Variants in SDR42E2 observed in about 807,000 individuals in gnomAD.
SDR42E2 encodes the protein short chain dehydrogenase/reductase family 42E, member 2.
A neutral mutation model predicts 10.5 loss-of-function variants in SDR42E2; 20 were observed. That is an observed-to-expected ratio of 1.90 (90% CI 1.34 to 2.77). The LOEUF is 2.77. Among genes scored for constraint, SDR42E2 ranks in the 30% most tolerant of loss-of-function variants. The pLI, the probability that SDR42E2 is intolerant of heterozygous loss-of-function variation, is 0.00. For missense variants in SDR42E2, 162 were observed against 104.2 expected (o/e 1.55, Z -2.42); for synonymous variants, 72 against 39.2 (o/e 1.84, Z -3.12).
At chr16:22,172,144 G>C (rs1254630086) in intron 6 of SDR42E2, 112 bp from the exon 7 acceptor site, 1 of 675,454 alleles carries the variant, frequency 1.5e-6, no homozygotes, top group Non-Finnish European at 2.7e-6. Flanking sequence ...TCAGGGCCTG[G>C]CCATATCCCA....
rs1213230376 is a variant in SDR42E2 at position 22,166,927 on chromosome 16, C to T, written c.264C>T (p.Ala88=). Residue 88 remains alanine, a synonymous_variant, in exon 4 of 13, where the codon GCC becomes GCT. Transcript: ENST00000602312. ...FIQADVRDEE[A]LYRAFEGVDC... ...AGGCTGATGTCCGAGATGAAGAAGC[C>T]CTGTACCGTGCCTTCGAAGGGGTGG... 2.6e-5 allele frequency: 18 copies of T among 699,618 alleles called. No homozygotes were observed. In the Admixed American group the frequency reaches 3.0e-4, roughly 12 times the overall value. 43.3% of individuals were successfully genotyped at this position (699,618 alleles called of 1,614,324 possible). A position where few individuals can be genotyped will look rare whatever the true frequency, so the allele number is the denominator to read the frequency against.
At chr16:22,183,265 G>A (rs564369194) in intron 10 of SDR42E2, among the ~76,000 whole-genome samples, 2 of 152,198 alleles carry the variant, frequency 1.3e-5, no homozygotes, top group South Asian at 4.1e-4. Flanking sequence ...GAGATTACAG[G>A]TGCACACCAC....
intron 6 of SDR42E2, 95 bp from the exon 7 acceptor site, chr16:22,172,161 G>A (rs1248483016): frequency 1.7e-5 from 12 of 688,566 alleles, no homozygotes; most frequent in Admixed American, 8.2e-5. Flanking sequence ...CCCAGTGGGA[G>A]TCCCCAGGGA....
chr16:22,188,761 G>C (rs1049166447), intron 12 of SDR42E2, among the ~76,000 whole-genome samples: 5 of 152,044 alleles, frequency 3.3e-5, no homozygotes, highest in African/African-American at 1.2e-4. Context: ...TGTGGCTCGG[G>C]TACCCTCTGC....
At chr16:22,162,648 C>T (rs2046507511) in intron 1 of SDR42E2, among the ~76,000 whole-genome samples, 84 bp downstream of exon 1, 1 of 152,146 alleles carries the variant, frequency 6.6e-6, no homozygotes, top group Admixed American at 6.5e-5. Context: ...GGGGAGGGGA[C>T]CCCCACCCTG....
chr16:22,168,129 T>A (rs1462596859), intron 4 of SDR42E2, among the ~76,000 whole-genome samples: 1 of 152,008 alleles, frequency 6.6e-6, no homozygotes, highest in Non-Finnish European at 1.5e-5. Flanking sequence ...GTGTGGTGGC[T>A]CACACCTGTA....
intron 10 of SDR42E2, among the ~76,000 whole-genome samples, chr16:22,182,779 C>T (rs1349093607): frequency 1.3e-5 from 2 of 152,152 alleles, no homozygotes; most frequent in Admixed American, 6.5e-5. Flanking sequence ...ACGGGAGGAT[C>T]GCTTGAGGCC....
chr16:22,180,867 C>G (rs1456620559), intron 8 of SDR42E2, among the ~76,000 whole-genome samples: 3 of 152,144 alleles, frequency 2.0e-5, no homozygotes, highest in Non-Finnish European at 1.5e-5. Context: ...ATTAGCTGAG[C>G]ATGGTGGTTT....
At chr16:22,171,200 A>G (rs1454164590) in intron 6 of SDR42E2, among the ~76,000 whole-genome samples, 1 of 152,064 alleles carries the variant, frequency 6.6e-6, no homozygotes, top group African/African-American at 2.4e-5. Context: ...CCTGACCCTG[A>G]GCAAATCACT....
At chr16:22,180,478 A>G (rs1258215217) in intron 8 of SDR42E2, among the ~76,000 whole-genome samples, 1 of 152,012 alleles carries the variant, frequency 6.6e-6, no homozygotes, top group Non-Finnish European at 1.5e-5. Flanking sequence ...AGGAGGGAAG[A>G]TTGGTTGAGC....
intron 7 of SDR42E2, among the ~76,000 whole-genome samples, chr16:22,172,918 C>T (rs1242236145): frequency 6.6e-6 from 1 of 152,150 alleles, no homozygotes; most frequent in Admixed American, 6.6e-5. Context: ...GTGGCTGAAA[C>T]TGCAGGTGTG....
chr16:22,165,277 A>G (rs757209244), intron 1 of SDR42E2, among the ~76,000 whole-genome samples: 1 of 152,100 alleles, frequency 6.6e-6, no homozygotes, highest in Non-Finnish European at 1.5e-5. Flanking sequence ...CAGTAGAGAC[A>G]GGATTTCACC....
chr16:22,180,207 G>A (rs777870744), intron 8 of SDR42E2, among the ~76,000 whole-genome samples: 2 of 152,148 alleles, frequency 1.3e-5, no homozygotes, highest in Non-Finnish European at 2.9e-5. Context: ...AAGGTTCTGA[G>A]CCGTGGAACA....
chr16:22,182,166 C>T (rs1223724924), intron 9 of SDR42E2, 46 bp from the exon 10 acceptor site: 3 of 407,496 alleles, frequency 7.4e-6, no homozygotes, highest in Non-Finnish European at 1.3e-5. Flanking sequence ...GTGGGGCAGG[C>T]TGCTGGGGAG....
chr16:22,169,105 A>G (rs1038837227), intron 4 of SDR42E2, among the ~76,000 whole-genome samples: 18 of 152,188 alleles, frequency 1.2e-4, no homozygotes, highest in African/African-American at 4.3e-4. Context: ...TGAGAGTAGG[A>G]AAATGACCCA....
Position 22,178,126 on chromosome 16 carries a change from C to T in SDR42E2, c.590-4C>T, listed in dbSNP as rs1423051848. On this transcript the variant is annotated splice_polypyrimidine_tract_variant and splice_region_variant and intron_variant, in intron 7 of 12. Transcript: ENST00000602312. ...ACCCCTGACCACGCTTCCCTGTGTG[C>T]TAGGAGGAGGCACTCTTCGGACGTG... is the stretch of plus-strand genomic sequence containing the variant. 3 of 702,578 alleles carry T rather than the reference C, an allele frequency of 4.3e-6. No homozygotes were observed. The highest frequency in any genetic ancestry group is 1.5e-5 in the South Asian group (1 of 67,562). The allele number at this position is 702,578 out of a possible 1,614,324, so 43.5% of individuals were successfully genotyped here. A position where few individuals can be genotyped will look rare whatever the true frequency, so the allele number is the denominator to read the frequency against.
At chr16:22,184,908 G>A (rs2046725563) in intron 11 of SDR42E2, among the ~76,000 whole-genome samples, 1 of 152,134 alleles carries the variant, frequency 6.6e-6, no homozygotes, top group South Asian at 2.1e-4. Flanking sequence ...AGGCGGAGAG[G>A]CGGAATTCAC....
intron 7 of SDR42E2, among the ~76,000 whole-genome samples, chr16:22,174,876 G>A (rs2046631716): frequency 6.6e-6 from 1 of 152,090 alleles, no homozygotes; most frequent in African/African-American, 2.4e-5. Context: ...GTGACCCAGA[G>A]TTTAAAATTA....
chr16:22,167,476 C>T (rs539757446), intron 4 of SDR42E2, among the ~76,000 whole-genome samples: 45 of 152,208 alleles, frequency 3.0e-4, no homozygotes, highest in South Asian at 8.3e-4. Flanking sequence ...GGAGCCACCG[C>T]ACCCGGCCCC....
Sources: gnomAD v4.1 joint callset for allele counts (sites outside exome capture counted in the v4.1 genomes callset) on GRCh38, gnomAD v4.1.1 for gene constraint, MANE v1.5 for transcripts, NCBI Gene and HGNC (gene_info 2026-07-23, HGNC 2026-07-21) for gene names.